The following SIN3A variants were observed in gnomAD, a reference collection of about 807,000 sequenced individuals.
The protein encoded by SIN3A is SIN3 transcription regulator family member A.
SIN3A carries 14 observed loss-of-function variants against 146.1 expected under a neutral mutation model. That is an observed-to-expected ratio of 0.10 (90% CI 0.06 to 0.15). The LOEUF (loss-of-function observed/expected upper bound fraction) is 0.15. SIN3A is among the 10% of genes least tolerant of loss of function. SIN3A has a pLI of 1.00. For synonymous variants in SIN3A, 572 were observed against 572.0 expected (o/e 1.00, Z 0.00); for missense variants, 1,028 against 1,576.0 (o/e 0.65, Z 5.89).
At chr15:75,408,589 C>T (rs1319349730) in intron 8 of SIN3A, among the ~76,000 whole-genome samples, 2 of 152,230 alleles carry the variant, frequency 1.3e-5, no homozygotes, top group Non-Finnish European at 2.9e-5. Context: ...AGCTGTGTTA[C>T]ATCAAAGAAG....
At chr15:75,404,010 G>T (rs2073461943) in intron 9 of SIN3A, among the ~76,000 whole-genome samples, 1 of 152,150 alleles carries the variant, frequency 6.6e-6, no homozygotes, top group Non-Finnish European at 1.5e-5. Flanking sequence ...ACCCAAAAAT[G>T]ATCAATGGCA....
chr15:75,412,071 C>T (rs1270394077), intron 5 of SIN3A, among the ~76,000 whole-genome samples: 1 of 152,170 alleles, frequency 6.6e-6, no homozygotes, highest in African/African-American at 2.4e-5. Flanking sequence ...TTCTACATAG[C>T]CTTTTGATGT....
At chr15:75,437,407 TCCTCCTGTCTTGG>T (rs1337194554) in intron 1 of SIN3A, among the ~76,000 whole-genome samples, 2 of 152,022 alleles carry the variant, frequency 1.3e-5, no homozygotes, top group African/African-American at 4.8e-5. Flanking sequence ...CCTCAAACAA[TCCTCCTGTCTTGG>T]CCTCCCAAAG....
In SIN3A at chr15:75,410,975, C is replaced by CAA. The variant is rs36019521; in HGVS notation, c.1008+515_1008+516dup. On this transcript the variant is annotated intron_variant, in intron 6 of 20. Coordinates refer to ENST00000394947, the MANE Select transcript of SIN3A (RefSeq NM_001145358.2). ...AGGCAAAAAGAGCAAAACTCTGTCT[C>CAA]AAAAAAAAAAAAAAAAATCCTGACT... 2.2e-3 allele frequency among the ~76,000 whole-genome samples: 280 copies of CAA among 127,716 alleles called. 3 individuals carry two copies. Among genetic ancestry groups the CAA allele is most frequent in the Middle Eastern group, 4.0e-3 (1 of 248 alleles). The allele number at this position is 127,716 out of a possible 152,430, so 83.8% of individuals were successfully genotyped here. A position where few individuals can be genotyped will look rare whatever the true frequency, so the allele number is the denominator to read the frequency against.
intron 1 of SIN3A, among the ~76,000 whole-genome samples, chr15:75,441,546 A>T (rs1030005031): frequency 6.6e-6 from 1 of 152,092 alleles, no homozygotes; most frequent in African/African-American, 2.4e-5. Context: ...CTCCTGCCTC[A>T]GCCTCCCGAG....
At chr15:75,434,682 C>T (rs1415270029) in intron 1 of SIN3A, among the ~76,000 whole-genome samples, 1 of 149,540 alleles carries the variant, frequency 6.7e-6, no homozygotes, top group Non-Finnish European at 1.5e-5. Flanking sequence ...GGCGCCGTGG[C>T]TCACACTTGC....
At chr15:75,402,185 G>A (rs554384252) in intron 9 of SIN3A, among the ~76,000 whole-genome samples, 2 of 151,990 alleles carry the variant, frequency 1.3e-5, no homozygotes, top group Admixed American at 1.3e-4. Flanking sequence ...GTCATATATT[G>A]CCCAGCTGCC....
chr15:75,403,344 C>T (rs1296276518), intron 9 of SIN3A, among the ~76,000 whole-genome samples: 1 of 151,524 alleles, frequency 6.6e-6, no homozygotes, highest in African/African-American at 2.4e-5. Flanking sequence ...GCAGGAGAAT[C>T]GCTTGAACCC....
intron 17 of SIN3A, among the ~76,000 whole-genome samples, chr15:75,382,664 C>T (rs1033274339): frequency 6.6e-6 from 1 of 152,130 alleles, no homozygotes; most frequent in Admixed American, 6.5e-5. Context: ...AGACCATTTC[C>T]GGTCAGATGC....
rs183974042 is a variant in SIN3A, at chr15:75,449,705, A to C, written c.-34+1718T>G. 1.2e-4 allele frequency among the ~76,000 whole-genome samples: 18 copies of C among 152,346 alleles called. No individual in the cohort carries two copies. In the East Asian group the frequency reaches 3.3e-3, roughly 28 times the overall value. The stretch of plus-strand genomic sequence containing the variant: ...TAGAAAGTGGTCTAGATGGTCTAAC[A>C]TAAGTACATAAAATAAAAAAGAAAA... On this transcript the variant is annotated intron_variant, in intron 1 of 20. Coordinates refer to ENST00000394947, the MANE Select transcript of SIN3A (RefSeq NM_001145358.2).
rs116937924 is a variant in SIN3A, at chr15:75,443,104, C to A, written c.-34+8319G>T. Reference sequence around the variant, plus strand: ...AGATGCTAGGATTACAGGTGCACGCCACCATGCCTGGCTGAAGACTCTTAT... The same window carrying A: ...AGATGCTAGGATTACAGGTGCACGCAACCATGCCTGGCTGAAGACTCTTAT... On this transcript the variant is annotated intron_variant, in intron 1 of 20. Coordinates refer to ENST00000394947, the MANE Select transcript of SIN3A (RefSeq NM_001145358.2). 3.6e-4 allele frequency among the ~76,000 whole-genome samples: 55 copies of A among 152,128 alleles called. No individual in the cohort carries two copies. The East Asian group carries it at 0.011, about 29-fold the overall frequency.
chr15:75,440,549 A>G (rs2074189517), intron 1 of SIN3A, among the ~76,000 whole-genome samples: 1 of 152,146 alleles, frequency 6.6e-6, no homozygotes, highest in Admixed American at 6.6e-5. Context: ...GCAAATCTAA[A>G]TTTTTATTCC....
At chr15:75,447,242 A>T (rs2074323688) in intron 1 of SIN3A, among the ~76,000 whole-genome samples, 1 of 152,262 alleles carries the variant, frequency 6.6e-6, no homozygotes, top group Non-Finnish European at 1.5e-5. Context: ...AGGAGAATAG[A>T]ATCCAAGCTA....
At position 75,395,229 on chromosome 15, in the gene SIN3A, C is replaced by T. The variant is rs12591309; in HGVS notation, c.2094-366G>A. Among the ~76,000 whole-genome samples the T allele has an allele frequency of 8.4e-3, 1,275 of 152,232 alleles. 34 individuals carry two copies. The East Asian group carries it at 0.1, about 12-fold the overall frequency. ...ACAATGCTAATAGAAACACAGAAGT[C>T]CAAGACAAGAGAACTTGCACAGTTA... On this transcript the variant is annotated intron_variant, in intron 13 of 20. Transcript: ENST00000394947.
At chr15:75,454,664 C>T (rs2074462826), upstream of SIN3A, among the ~76,000 whole-genome samples, 2 of 151,890 alleles carry the variant, frequency 1.3e-5, no homozygotes, top group Admixed American at 1.3e-4. Context: ...GCCACCCCCT[C>T]GTGGGCGCGC....
Position 75,371,816 on chromosome 15 carries a change from C to T in SIN3A, c.*163G>A, listed in dbSNP as rs57737877. The T allele has an allele frequency of 6.0e-5, 38 of 628,208 alleles. No homozygotes were observed. In the African/African-American group the frequency reaches 6.3e-4, roughly 10 times the overall value. 38.9% of individuals were successfully genotyped at this position (628,208 alleles called of 1,614,324 possible). ...ATTCATGTTCCTAACAGGTAGCCCA[C>T]TTGGTGCCAGGCTGCACCAGCCACA... On this transcript the variant is annotated 3_prime_UTR_variant, in exon 21 of 21. Transcript: ENST00000394947.
chr15:75,454,314 C>G (rs910749457), upstream of SIN3A, among the ~76,000 whole-genome samples: 1 of 152,178 alleles, frequency 6.6e-6, no homozygotes, highest in Non-Finnish European at 1.5e-5. Flanking sequence ...CCGGGAGAGC[C>G]GGAGGTGGGT....
At chr15:75,400,673 C>T (rs2073394507) in intron 11 of SIN3A, 57 bp downstream of exon 11, 1 of 1,267,490 alleles carries the variant, frequency 7.9e-7, no homozygotes, top group Non-Finnish European at 1.1e-6. Flanking sequence ...GGTACCACCA[C>T]TCCCTTCTGG....
At chr15:75,421,428 TAG>T (rs1205839435) in intron 3 of SIN3A, 6 of 152,334 alleles carry the variant, frequency 3.9e-5, no homozygotes, top group African/African-American at 1.4e-4. Flanking sequence ...TAAGCCAATA[TAG>T]AGAGTAAATT....
Sources: allele counts gnomAD v4.1 joint callset (sites outside exome capture counted in the v4.1 genomes callset), GRCh38; gene constraint gnomAD v4.1.1; transcripts MANE v1.5; gene names NCBI Gene and HGNC (gene_info 2026-07-23, HGNC 2026-07-21).